Variants in EDIL3 observed in about 807,000 individuals in gnomAD.
EDIL3 encodes the protein EGF-like repeat and discoidin I-like domain-containing protein 3.
EDIL3 carries 37 observed loss-of-function variants against 67.4 expected under a neutral mutation model. The ratio of observed to expected loss-of-function variants is 0.55; its 90% CI spans 0.42 to 0.72. The LOEUF is 0.72. Ranked by LOEUF, EDIL3 falls within the 30% of genes least tolerant of loss-of-function variation. EDIL3 has a pLI of 0.00. For missense variants in EDIL3, 527 were observed against 586.3 expected, an observed-to-expected ratio of 0.90 and a Z score of 1.04; for synonymous variants, 195 against 196.3, an observed-to-expected ratio of 0.99 and a Z score of 0.05.
rs1334840129 is a variant in EDIL3 at position 84,106,593 on chromosome 5, C to T, written c.651+56G>A. 4.0e-6 allele frequency: 6 copies of T among 1,490,132 alleles called. No homozygotes were observed. In the South Asian group the frequency reaches 4.3e-5, roughly 11 times the overall value. 92.3% of individuals were successfully genotyped at this position (1,490,132 alleles called of 1,614,324 possible). On this transcript the variant is annotated intron_variant, in intron 6 of 10. Coordinates refer to ENST00000296591, the MANE Select transcript of EDIL3 (RefSeq NM_005711.5). ...CCCTTTTGTCTGCTTTTTAAAATGACCAGAATCATTTAAAAATGACTTATA... is the reference window on the plus strand; with the variant it reads ...CCCTTTTGTCTGCTTTTTAAAATGATCAGAATCATTTAAAAATGACTTATA...
intron 9 of EDIL3, among the ~76,000 whole-genome samples, chr5:84,014,052 C>T (rs1445742562): frequency 6.6e-6 from 1 of 152,122 alleles, no homozygotes. Flanking sequence ...AACAATTGGA[C>T]CAGTTCTATA....
chr5:84,101,144 G>A (rs911181418), intron 6 of EDIL3, among the ~76,000 whole-genome samples: 15 of 151,972 alleles, frequency 9.9e-5, no homozygotes, highest in African/African-American at 2.9e-4. Context: ...TTACTAGTCC[G>A]ACCTGTGTTG....
rs571905687 is a variant in EDIL3 at position 84,040,517 on chromosome 5, A to C, written c.1137+19783T>G. On this transcript the variant is annotated intron_variant, in intron 9 of 10. Transcript: ENST00000296591. Reference sequence around the variant, plus strand: ...AAAGGGTATATATAGATATATAATTATATATATATATATTCTAGCCAGAGA... The same window carrying C: ...AAAGGGTATATATAGATATATAATTCTATATATATATATTCTAGCCAGAGA... Among the ~76,000 whole-genome samples the C allele has an allele frequency of 1.2e-4, 17 of 140,928 alleles. No homozygotes were observed. In the East Asian group the frequency reaches 3.3e-3, roughly 27 times the overall value. The allele number at this position is 140,928 out of a possible 152,430, so 92.5% of individuals were successfully genotyped here.
intron 3 of EDIL3, among the ~76,000 whole-genome samples, chr5:84,223,801 G>A (rs1288568809): frequency 6.6e-6 from 1 of 151,234 alleles, no homozygotes; most frequent in Non-Finnish European, 1.5e-5. Context: ...AACAATATGA[G>A]GTGATGGATA....
chr5:83,998,203 C>T (rs1745266964), intron 9 of EDIL3, among the ~76,000 whole-genome samples: 1 of 152,148 alleles, frequency 6.6e-6, no homozygotes, highest in Admixed American at 6.6e-5. Flanking sequence ...CCAGGCAGTG[C>T]AGCTCAAAGC....
chr5:84,354,758 A>C (rs181608215), intron 1 of EDIL3, among the ~76,000 whole-genome samples: 6 of 152,138 alleles, frequency 3.9e-5, no homozygotes, highest in Non-Finnish European at 8.8e-5. Context: ...TATATTCAAG[A>C]TCTATGTACT....
chr5:84,145,062 A>G (rs1444224155), intron 4 of EDIL3, among the ~76,000 whole-genome samples: 1 of 152,150 alleles, frequency 6.6e-6, no homozygotes, highest in African/African-American at 2.4e-5. Flanking sequence ...ATATCTGTAA[A>G]TAGAAGCAGC....
intron 1 of EDIL3, among the ~76,000 whole-genome samples, chr5:84,373,436 A>C (rs1747897119): frequency 6.6e-6 from 1 of 152,118 alleles, no homozygotes. Context: ...TTTTTCCTCC[A>C]ACCATCACTT....
rs3046833 is a variant in EDIL3 at position 84,121,538 on chromosome 5, G to GATCTATCTATCT, written c.470-14720_470-14709dup. Reference sequence around the variant, plus strand: ...TCTGACCAGTTCACTAACTTAGATCGATCTATCTATCTATCTATCTATCTA... The same window carrying GATCTATCTATCT: ...TCTGACCAGTTCACTAACTTAGATCGATCTATCTATCTATCTATCTATCTATCTATCTATCTA... On this transcript the variant is annotated intron_variant, in intron 5 of 10. Coordinates refer to ENST00000296591, the MANE Select transcript of EDIL3 (RefSeq NM_005711.5). 1.8e-3 allele frequency among the ~76,000 whole-genome samples: 230 copies of GATCTATCTATCT among 129,902 alleles called. 1 individual carries two copies. Among genetic ancestry groups the GATCTATCTATCT allele is most frequent in the East Asian group, 7.6e-3 (34 of 4,458 alleles). 85.2% of individuals were successfully genotyped at this position (129,902 alleles called of 152,430 possible).
intron 6 of EDIL3, among the ~76,000 whole-genome samples, chr5:84,088,975 A>G (rs1324392854): frequency 6.6e-6 from 1 of 152,226 alleles, no homozygotes; most frequent in African/African-American, 2.4e-5. Flanking sequence ...CTCATTTAGA[A>G]CCTCAAAGTT....
At chr5:84,361,856 T>G (rs1747619070) in intron 1 of EDIL3, among the ~76,000 whole-genome samples, 1 of 151,980 alleles carries the variant, frequency 6.6e-6, no homozygotes, top group Admixed American at 6.6e-5. Context: ...AAGAGACAAC[T>G]AATGTGATAA....
At chr5:84,160,739 TC>T (rs1561449288) in intron 4 of EDIL3, among the ~76,000 whole-genome samples, 3 of 120,622 alleles carry the variant, frequency 2.5e-5, no homozygotes, top group East Asian at 2.2e-4. Context: ...TTTTTTCTTT[TC>T]TTTTCTTTCC....
At chr5:84,171,980 T>G (rs1484666285) in intron 4 of EDIL3, among the ~76,000 whole-genome samples, 2 of 152,156 alleles carry the variant, frequency 1.3e-5, no homozygotes, top group Non-Finnish European at 2.9e-5. Context: ...TAATCAGACA[T>G]GGCTCCAAAA....
intron 9 of EDIL3, among the ~76,000 whole-genome samples, chr5:84,036,388 C>T (rs1746022107): frequency 6.6e-6 from 1 of 152,182 alleles, no homozygotes; most frequent in Non-Finnish European, 1.5e-5. Context: ...GAAAGACAGT[C>T]ATATTTGTTT....
intron 1 of EDIL3, among the ~76,000 whole-genome samples, chr5:84,285,328 G>T (rs1231061021): frequency 6.6e-6 from 1 of 152,202 alleles, no homozygotes; most frequent in African/African-American, 2.4e-5. Context: ...ACATATGTTT[G>T]TGTGAATGAT....
rs193235520 is a variant in EDIL3, at chr5:84,329,417, A to T, written c.67+54891T>A. ...TACACATGTAAGATATATGCTCCTT[A>T]GATGCCTTGCTATGAAGAATAAATG... is the stretch of plus-strand genomic sequence containing the variant. On this transcript the variant is annotated intron_variant, in intron 1 of 10. Coordinates refer to ENST00000296591, the MANE Select transcript of EDIL3 (RefSeq NM_005711.5). Among the ~76,000 whole-genome samples the T allele has an allele frequency of 9.0e-4, 137 of 152,228 alleles. 3 individuals are homozygous for T. Among genetic ancestry groups the T allele is most frequent in the Non-Finnish European group, 1.2e-4 (8 of 67,974 alleles).
At chr5:84,288,555 A>G (rs901409409) in intron 1 of EDIL3, among the ~76,000 whole-genome samples, 2 of 152,084 alleles carry the variant, frequency 1.3e-5, no homozygotes, top group Non-Finnish European at 2.9e-5. Context: ...ACCAATACCT[A>G]CCAAGTAAAT....
At chr5:83,961,070 A>G (rs1199291594) in intron 10 of EDIL3, among the ~76,000 whole-genome samples, 5 of 151,112 alleles carry the variant, frequency 3.3e-5, no homozygotes, top group Non-Finnish European at 7.4e-5. Flanking sequence ...GCTGGAGTTA[A>G]TCGATATCTA....
intron 5 of EDIL3, among the ~76,000 whole-genome samples, chr5:84,131,920 TA>T (rs1747973106): frequency 6.6e-6 from 1 of 151,992 alleles, no homozygotes. Flanking sequence ...TACTTGGTAG[TA>T]CACATTGATA....
Sources: allele counts gnomAD v4.1 joint callset (sites outside exome capture counted in the v4.1 genomes callset), GRCh38; gene constraint gnomAD v4.1.1; transcripts MANE v1.5; gene names NCBI Gene and HGNC (gene_info 2026-07-23, HGNC 2026-07-21).